SLC19A3: variants seen among roughly 807,000 people sequenced by gnomAD.
SLC19A3 encodes the protein solute carrier family 19 member 3.
SLC19A3 carries 31 observed loss-of-function variants against 40.2 expected under a neutral mutation model. The ratio of observed to expected loss-of-function variants is 0.77; its 90% CI spans 0.58 to 1.04. SLC19A3 has a LOEUF of 1.04. SLC19A3 is among the 50% of genes least tolerant of loss of function. SLC19A3 has a pLI of 0.00. For missense variants in SLC19A3, 592 were observed against 596.7 expected (o/e 0.99, Z 0.08); for synonymous variants, 212 against 227.5 (o/e 0.93, Z 0.61).
At position 227,717,971 on chromosome 2, in the gene SLC19A3, T is replaced by C. The variant is rs1162765807; in HGVS notation, c.-31A>G. ...CAGAAGGGAGTGTCTGTTCACCAAATCGCTCACTTGCCGCACGACCACGCA... is the reference window on the plus strand; with the variant it reads ...CAGAAGGGAGTGTCTGTTCACCAAACCGCTCACTTGCCGCACGACCACGCA... On this transcript the variant is annotated 5_prime_UTR_variant, in exon 1 of 6. Transcript: ENST00000644224. The C allele has an allele frequency of 4.1e-6, 4 of 985,038 alleles. No individual in the cohort carries two copies. Among genetic ancestry groups the C allele is most frequent in the Non-Finnish European group, 4.8e-6 (4 of 829,948 alleles). 61.0% of individuals were successfully genotyped at this position (985,038 alleles called of 1,614,324 possible). A position where few individuals can be genotyped will look rare whatever the true frequency, so the allele number is the denominator to read the frequency against.
intron 1 of SLC19A3, among the ~76,000 whole-genome samples, chr2:227,707,151 C>T (rs1168320011): frequency 6.6e-6 from 1 of 152,234 alleles, no homozygotes. Flanking sequence ...AAAATGGCCA[C>T]AGACACTGTG....
At chr2:227,716,082 T>C (rs973203380) in intron 1 of SLC19A3, among the ~76,000 whole-genome samples, 1 of 152,090 alleles carries the variant, frequency 6.6e-6, no homozygotes, top group South Asian at 2.1e-4. Context: ...GAAGGTGGTG[T>C]TGTAGGGAAA....
At chr2:227,712,839 T>C (rs1696188308) in intron 1 of SLC19A3, among the ~76,000 whole-genome samples, 1 of 151,934 alleles carries the variant, frequency 6.6e-6, no homozygotes, top group Non-Finnish European at 1.5e-5. Flanking sequence ...TTCATTAACA[T>C]ATAAAGTCCT....
At chr2:227,692,409 CA>C (rs1695267036) in intron 4 of SLC19A3, among the ~76,000 whole-genome samples, 1 of 152,190 alleles carries the variant, frequency 6.6e-6, no homozygotes, top group Non-Finnish European at 1.5e-5. Flanking sequence ...ATATGTAAAT[CA>C]ATCAGTGTGA....
At chr2:227,704,590 T>A (rs1227539322) in intron 1 of SLC19A3, among the ~76,000 whole-genome samples, 1 of 152,072 alleles carries the variant, frequency 6.6e-6, no homozygotes, top group Non-Finnish European at 1.5e-5. Flanking sequence ...AATTCCAAGT[T>A]CAGCTATCTT....
At chr2:227,699,645 T>A in intron 2 of SLC19A3, 81 bp from the exon 3 acceptor site, 1 of 1,183,312 alleles carries the variant, frequency 8.5e-7, no homozygotes, top group Non-Finnish European at 1.3e-6. Context: ...AAATTCTGCC[T>A]CCAATTGGAA....
chr2:227,713,432 G>A (rs1481793219), intron 1 of SLC19A3, among the ~76,000 whole-genome samples: 1 of 151,006 alleles, frequency 6.6e-6, no homozygotes, highest in Non-Finnish European at 1.5e-5. Flanking sequence ...AAGAGGGGGT[G>A]GGGCTTTTCA....
rs200416884 is a variant in SLC19A3, at chr2:227,696,128, A to G, written c.980-47T>C. On this transcript the variant is annotated intron_variant, in intron 3 of 5. Transcript: ENST00000644224. Reference sequence around the variant, plus strand: ...AATCAAACATAATGACTTTGCATGCAGGAAAATATCAACACCCTCTCTTAA... The same window carrying G: ...AATCAAACATAATGACTTTGCATGCGGGAAAATATCAACACCCTCTCTTAA... 19 of 1,580,554 alleles carry G rather than the reference A, an allele frequency of 1.2e-5. No homozygotes were observed. In the East Asian group the frequency reaches 4.2e-4, roughly 35 times the overall value.
rs1303922472 is a variant in SLC19A3 at position 227,696,247 on chromosome 2, G to A, written c.980-166C>T. 2.6e-5 allele frequency among the ~76,000 whole-genome samples: 4 copies of A among 152,158 alleles called. No homozygotes were observed. In the East Asian group the frequency reaches 5.8e-4, roughly 22 times the overall value. ...ATGTGGATCTATCCTTTTCTCAAGCGTGTCTTCTTTTGGCTTTTCTTTTCA... is the reference window on the plus strand; with the variant it reads ...ATGTGGATCTATCCTTTTCTCAAGCATGTCTTCTTTTGGCTTTTCTTTTCA... On this transcript the variant is annotated intron_variant, in intron 3 of 5. Transcript: ENST00000644224.
At chr2:227,710,493 C>T (rs1019655528) in intron 1 of SLC19A3, among the ~76,000 whole-genome samples, 10 of 152,034 alleles carry the variant, frequency 6.6e-5, no homozygotes, top group South Asian at 2.1e-4. Context: ...GTTAGGAGTT[C>T]GAGACCAGCC....
rs757058630 is a variant in SLC19A3, at chr2:227,698,890, T to C, written c.825A>G (p.Ser275=). 6.2e-7 allele frequency: 1 copy of C among 1,614,170 alleles called. No homozygotes were observed. Among genetic ancestry groups the C allele is most frequent in the Non-Finnish European group, 8.5e-7 (1 of 1,180,012 alleles). ...WFQDLKECYS[S]KRLFYWSLWW... is the part of the protein sequence containing the mutation. ...ATAGAGACCAGTAGAAAAGACGTTT[T>C]GAGGAGTAGCACTCCTTCAAATCTT... The change falls in exon 3 of 6, where the codon TCA becomes TCG. Residue 275 remains serine (S), a synonymous_variant. Coordinates refer to ENST00000644224, the MANE Select transcript of SLC19A3 (RefSeq NM_025243.4).
rs1323467541 is a variant in SLC19A3 at position 227,687,468 on chromosome 2, C to T, written c.1420G>A (p.Ala474Thr). ...GACACATCTGGATTCTCACTTGGAG[C>T]AGGGCTCTGTACATCCTTCTGGGAT... ...TKSQKDVQSPAPSENPDVSHP... is the reference protein window; with the variant it reads ...TKSQKDVQSPTPSENPDVSHP... The change falls in exon 6 of 6, where the codon GCT becomes ACT. Residue 474 changes from alanine to threonine, a missense_variant. By Grantham distance (58) the Ala-to-Thr change is moderately conservative (BLOSUM62 0). Transcript: ENST00000644224. 1.2e-6 allele frequency: 2 copies of T among 1,614,098 alleles called. No homozygotes were observed. Among genetic ancestry groups the T allele is most frequent in the South Asian group, 1.1e-5 (1 of 91,084 alleles).
At position 227,701,965 on chromosome 2, in the gene SLC19A3, A is replaced by G. The variant is rs1695712196; in HGVS notation, c.150+204T>C. 3 of 560,016 alleles carry G rather than the reference A, an allele frequency of 5.4e-6. No individual in the cohort carries two copies. In the South Asian group the frequency reaches 6.3e-5, roughly 12 times the overall value. 34.7% of individuals were successfully genotyped at this position (560,016 alleles called of 1,614,324 possible). A position where few individuals can be genotyped will look rare whatever the true frequency, so the allele number is the denominator to read the frequency against. On this transcript the variant is annotated intron_variant, in intron 2 of 5. Transcript: ENST00000644224. ...ATGCAAGTTAAAAATTTGTTAACAC[A>G]TGTAATATGTTTTGGCTGCAATTTT...
At chr2:227,706,281 G>A (rs1695939452) in intron 1 of SLC19A3, 1 of 1,230,102 alleles carries the variant, frequency 8.1e-7, no homozygotes, top group South Asian at 4.1e-5. Flanking sequence ...TCTAAGGTGA[G>A]GACATGAATT....
chr2:227,713,801 A>AG (rs1309693522), intron 1 of SLC19A3, among the ~76,000 whole-genome samples: 1 of 152,082 alleles, frequency 6.6e-6, no homozygotes, highest in Non-Finnish European at 1.5e-5. Flanking sequence ...GATTTGAAAA[A>AG]AAAACAACAA....
chr2:227,715,204 A>G (rs116023428), intron 1 of SLC19A3, among the ~76,000 whole-genome samples: 2,523 of 152,104 alleles, frequency 0.017, 43 homozygotes, highest in Middle Eastern at 0.027. Flanking sequence ...AAAAAACTAC[A>G]AAGTAGCCTT....
chr2:227,711,422 AAAAATAAAAT>A (rs10634783), intron 1 of SLC19A3, among the ~76,000 whole-genome samples: 1,860 of 143,748 alleles, frequency 0.013, 48 homozygotes, highest in African/African-American at 0.045. Flanking sequence ...TCTGTCTCAA[AAAAATAAAAT>A]AAAATAAAAT....
chr2:227,709,599 C>T (rs184975424), intron 1 of SLC19A3, among the ~76,000 whole-genome samples: 38 of 152,268 alleles, frequency 2.5e-4, no homozygotes, highest in Admixed American at 1.0e-3. Context: ...TCCACCCATA[C>T]ACACCCACTT....
In SLC19A3 at chr2:227,687,282, G is replaced by T; in HGVS notation, c.*115C>A. 9.0e-7 allele frequency: 1 copy of T among 1,105,536 alleles called. No individual in the cohort carries two copies. Among genetic ancestry groups the T allele is most frequent in the Non-Finnish European group, 1.3e-6 (1 of 767,602 alleles). 68.5% of individuals were successfully genotyped at this position (1,105,536 alleles called of 1,614,324 possible). A position where few individuals can be genotyped will look rare whatever the true frequency, so the allele number is the denominator to read the frequency against. ...TGTTGTGGTTTTGAAAGGTCCATTG[G>T]AATCCAGATTTGCAAAGCATGTCAA... On this transcript the variant is annotated 3_prime_UTR_variant, in exon 6 of 6. Transcript: ENST00000644224.
Sources: allele counts gnomAD v4.1 joint callset (sites outside exome capture counted in the v4.1 genomes callset), GRCh38; gene constraint gnomAD v4.1.1; transcripts MANE v1.5; gene names NCBI Gene and HGNC (gene_info 2026-07-23, HGNC 2026-07-21).